The following SHROOM2 variants were observed in gnomAD, a reference collection of about 807,000 sequenced individuals.
The protein encoded by SHROOM2 is protein Shroom2.
SHROOM2 carries 33 observed loss-of-function variants against 75.9 expected under a neutral mutation model. The ratio of observed to expected loss-of-function variants is 0.43; its 90% confidence interval spans 0.33 to 0.58. The LOEUF is 0.58. Among genes scored for constraint, SHROOM2 ranks in the 20% least tolerant of loss-of-function variants. The probability of loss-of-function intolerance (pLI) is 0.04; values close to 1 mark genes in which losing one functional copy is unlikely to be tolerated. For missense variants in SHROOM2, 1,434 were observed against 1,461.2 expected (o/e 0.98, Z 0.30); for synonymous variants, 655 against 663.6 (o/e 0.99, Z 0.20).
intron 1 of SHROOM2, among the ~76,000 whole-genome samples, chrX:9,833,661 CATG>C (rs1428972197): frequency 9.6e-6 from 1 of 104,044 alleles, no homozygotes; most frequent in Non-Finnish European, 1.9e-5. Flanking sequence ...CACGTGCACA[CATG>C]ATAACAGAAT....
intron 5 of SHROOM2, among the ~76,000 whole-genome samples, chrX:9,914,061 C>T (rs1271256580): frequency 1.2e-5 from 1 of 85,585 alleles, no homozygotes; most frequent in Non-Finnish European, 2.3e-5. Flanking sequence ...CTGCGCCCAC[C>T]CCCCTGCCCC....
rs758347185 is a variant in SHROOM2, at chrX:9,847,819, T to C, written c.166-25833T>C. ...TCCCTAGTCTCTTGGACACTTACAG[T>C]GTTGGCCAGTCCTTTTCTCGTGATT... On this transcript the variant is annotated intron_variant, in intron 1 of 9. Coordinates refer to ENST00000380913, the MANE Select transcript of SHROOM2 (RefSeq NM_001649.4). 1.6e-3 allele frequency among the ~76,000 whole-genome samples: 175 copies of C among 112,298 alleles called. 1 individual carries two copies. The highest frequency in any genetic ancestry group is 5.1e-3 in the African/African-American group (157 of 30,891).
intron 1 of SHROOM2, among the ~76,000 whole-genome samples, chrX:9,792,108 AT>A (rs2083662594): frequency 1.1e-4 from 2 of 18,611 alleles, no homozygotes; most frequent in African/African-American, 1.4e-4. Flanking sequence ...ATAGAATAGA[AT>A]AGAATAGAAT....
chrX:9,823,110 T>C (rs1304615147), intron 1 of SHROOM2, among the ~76,000 whole-genome samples: 2 of 91,944 alleles, frequency 2.2e-5, no homozygotes, highest in African/African-American at 8.3e-5. Context: ...CCCTTCTCCT[T>C]CTCCTTCTCC....
chrX:9,836,583 T>C (rs932949645), intron 1 of SHROOM2, among the ~76,000 whole-genome samples: 2 of 66,076 alleles, frequency 3.0e-5, no homozygotes, highest in Admixed American at 4.1e-4. Context: ...TATCGAGATA[T>C]GTGATTTTCT....
chrX:9,880,957 T>C (rs2084228497), intron 2 of SHROOM2, among the ~76,000 whole-genome samples: 1 of 111,451 alleles, frequency 9.0e-6, no homozygotes, highest in Non-Finnish European at 1.9e-5. Context: ...CTTGGTTTTA[T>C]TGTTAAAGAA....
At chrX:9,933,179 G>C (rs1184656798) in intron 6 of SHROOM2, among the ~76,000 whole-genome samples, 1 of 110,949 alleles carries the variant, frequency 9.0e-6, no homozygotes, top group African/African-American at 3.3e-5. Flanking sequence ...GCAGGGTAGA[G>C]GTCTGTTTTT....
At chrX:9,862,190 A>G (rs2084107935) in intron 1 of SHROOM2, among the ~76,000 whole-genome samples, 1 of 111,834 alleles carries the variant, frequency 8.9e-6, no homozygotes, top group African/African-American at 3.3e-5. Context: ...GCAGTTTATT[A>G]TCTATTATCG....
intron 2 of SHROOM2, among the ~76,000 whole-genome samples, chrX:9,879,491 C>G (rs1331143785): frequency 2.7e-5 from 3 of 111,869 alleles, no homozygotes; most frequent in Non-Finnish European, 5.6e-5. Flanking sequence ...GAACTCCTGG[C>G]CTCAAGAAAT....
chrX:9,863,448 G>A (rs888380844), intron 1 of SHROOM2, among the ~76,000 whole-genome samples: 2 of 110,679 alleles, frequency 1.8e-5, no homozygotes, highest in African/African-American at 3.3e-5. Context: ...CCTCATCCTC[G>A]CGCCTCTCCT....
chrX:9,807,097 A>ATTC (rs1451786406), intron 1 of SHROOM2, among the ~76,000 whole-genome samples: 5 of 111,507 alleles, frequency 4.5e-5, no homozygotes, highest in Non-Finnish European at 7.5e-5. Context: ...CTGGCAAGTG[A>ATTC]AGGGGTTGGG....
intron 3 of SHROOM2, among the ~76,000 whole-genome samples, chrX:9,892,255 A>G (rs1468966894): frequency 1.1e-5 from 1 of 91,513 alleles, no homozygotes; most frequent in African/African-American, 4.6e-5. Context: ...CTCGTCTCTT[A>G]AAAAAAAAAA....
At chrX:9,826,754 C>T (rs140380344) in intron 1 of SHROOM2, among the ~76,000 whole-genome samples, 2 of 111,388 alleles carry the variant, frequency 1.8e-5, no homozygotes, top group Admixed American at 9.6e-5. Context: ...CCGTCCAGGG[C>T]GACAGAGAGC....
At chrX:9,914,867 G>C (rs1012335079) in intron 5 of SHROOM2, among the ~76,000 whole-genome samples, 1 of 111,961 alleles carries the variant, frequency 8.9e-6, no homozygotes, top group South Asian at 3.7e-4. Flanking sequence ...GGTCCTCCAG[G>C]TAAGGCTGAA....
intron 1 of SHROOM2, among the ~76,000 whole-genome samples, chrX:9,802,720 T>G (rs1471780151): frequency 9.0e-6 from 1 of 111,231 alleles, no homozygotes; most frequent in African/African-American, 3.3e-5. Context: ...AAACACAGCT[T>G]ACACGTAGCC....
rs781451780 is a variant in SHROOM2, at chrX:9,875,014, G to A, written c.317+1211G>A. Among the ~76,000 whole-genome samples, 250 of 88,908 alleles carry A rather than the reference G, an allele frequency of 2.8e-3. 1 individual carries two copies. Among genetic ancestry groups the A allele is most frequent in the Middle Eastern group, 0.012 (2 of 161 alleles). The allele number at this position is 88,908 out of a possible 115,157, so 77.2% of individuals were successfully genotyped here. On this transcript the variant is annotated intron_variant, in intron 2 of 9. Transcript: ENST00000380913. ...GAGGATTCTTTGAGCCTGGGAGGTC[G>A]AGGCTACAACGAGCCATGATTGTGC...
intron 5 of SHROOM2, among the ~76,000 whole-genome samples, chrX:9,915,802 G>A (rs1053089160): frequency 2.7e-5 from 3 of 112,073 alleles, no homozygotes; most frequent in African/African-American, 9.7e-5. Flanking sequence ...ATCCATTTCC[G>A]ATTCTGGTTC....
chrX:9,891,219 C>A, intron 3 of SHROOM2, 111 bp downstream of exon 3: 2 of 930,751 alleles, frequency 2.1e-6, no homozygotes, highest in South Asian at 2.7e-5. Context: ...GCCACCGACA[C>A]ATAATCACAG....
At chrX:9,850,035 G>T (rs2084029888) in intron 1 of SHROOM2, among the ~76,000 whole-genome samples, 1 of 111,521 alleles carries the variant, frequency 9.0e-6, no homozygotes, top group African/African-American at 3.3e-5. Flanking sequence ...CTGAAGGAGA[G>T]AACACTGCTG....
Sources: gnomAD v4.1 joint callset for allele counts (sites outside exome capture counted in the v4.1 genomes callset) on GRCh38, gnomAD v4.1.1 for gene constraint, MANE v1.5 for transcripts, NCBI Gene and HGNC (gene_info 2026-07-23, HGNC 2026-07-21) for gene names.